Variants in ASAP2 observed in about 807,000 individuals in gnomAD.
ASAP2 encodes arf-GAP with SH3 domain, ANK repeat and PH domain-containing protein 2.
Under a neutral mutation model 131.4 loss-of-function variants are expected in ASAP2, and 45 were observed. The observed-to-expected ratio is 0.34, with a 90% CI of 0.27 to 0.44. The LOEUF is 0.44. Ranked by LOEUF, ASAP2 falls within the 20% of genes least tolerant of loss-of-function variation. The pLI is 1.00. For synonymous variants in ASAP2, 510 were observed against 503.0 expected (o/e 1.01, Z -0.19); for missense variants, 1,011 against 1,297.0 (o/e 0.78, Z 3.39).
intron 24 of ASAP2, among the ~76,000 whole-genome samples, chr2:9,394,728 C>T (rs1401290451): frequency 1.3e-5 from 2 of 152,242 alleles, no homozygotes; most frequent in Non-Finnish European, 2.9e-5. Flanking sequence ...TAACAAACCA[C>T]ACCAGACTGA....
intron 1 of ASAP2, among the ~76,000 whole-genome samples, chr2:9,218,071 C>T (rs908343624): frequency 4.6e-5 from 7 of 152,166 alleles, no homozygotes; most frequent in African/African-American, 1.7e-4. Flanking sequence ...CCTCCAGGTT[C>T]CACATCCCAC....
chr2:9,378,202 C>T (rs1278428500), intron 18 of ASAP2, among the ~76,000 whole-genome samples: 2 of 152,204 alleles, frequency 1.3e-5, no homozygotes, highest in African/African-American at 4.8e-5. Flanking sequence ...GATCGCCTTT[C>T]TGTCTCCACT....
intron 6 of ASAP2, among the ~76,000 whole-genome samples, chr2:9,324,886 C>T (rs554082278): frequency 1.3e-5 from 2 of 152,260 alleles, no homozygotes; most frequent in East Asian, 1.9e-4. Flanking sequence ...CTCTGCCTTT[C>T]GATTGGATTG....
intron 3 of ASAP2, among the ~76,000 whole-genome samples, chr2:9,312,680 A>C (rs1033574195): frequency 2.0e-5 from 3 of 152,108 alleles, no homozygotes; most frequent in Non-Finnish European, 4.4e-5. Flanking sequence ...TCCACTTGGT[A>C]GTTTACTTAC....
intron 21 of ASAP2, among the ~76,000 whole-genome samples, chr2:9,386,456 A>G (rs1675269357): frequency 6.6e-6 from 1 of 152,104 alleles, no homozygotes; most frequent in Middle Eastern, 3.2e-3. Context: ...CCACATTCCC[A>G]TTTGATGAGC....
chr2:9,368,638 A>AT, intron 16 of ASAP2, 119 bp downstream of exon 16: 1 of 793,920 alleles, frequency 1.3e-6, no homozygotes, highest in Non-Finnish European at 2.1e-6. Flanking sequence ...TAGGGAATAA[A>AT]TCAGCCTATG....
chr2:9,403,367 T>C lies in ASAP2; in HGVS notation c.*40T>C. On this transcript the variant is annotated 3_prime_UTR_variant, in exon 28 of 28. Coordinates refer to ENST00000281419, the MANE Select transcript of ASAP2 (RefSeq NM_003887.3). ...AAAGCATTAACAGTTATGTTCCTGT[T>C]TCGTTATTGGTACCAAAACTCTTGC... is the stretch of plus-strand genomic sequence containing the variant. The C allele has an allele frequency of 6.3e-7, 1 of 1,593,276 alleles. No homozygotes were observed. Among genetic ancestry groups the C allele is most frequent in the Admixed American group, 1.7e-5 (1 of 59,668 alleles).
chr2:9,357,228 C>G (rs1229592574), intron 14 of ASAP2, among the ~76,000 whole-genome samples: 1 of 151,592 alleles, frequency 6.6e-6, no homozygotes, highest in African/African-American at 2.4e-5. Context: ...CCTGTAATCC[C>G]GGCACTTTGG....
chr2:9,388,018 CG>C (rs1249981422), intron 21 of ASAP2, among the ~76,000 whole-genome samples: 1 of 152,196 alleles, frequency 6.6e-6, no homozygotes, highest in African/African-American at 2.4e-5. Context: ...CTCCTTCCCT[CG>C]ACAAGTGAAG....
rs184152101 is a variant in ASAP2, at chr2:9,330,943, A to C, written c.686+3032A>C. 2.9e-3 allele frequency among the ~76,000 whole-genome samples: 440 copies of C among 152,308 alleles called. 3 individuals carry two copies. Among genetic ancestry groups the C allele is most frequent in the African/African-American group, 0.01 (425 of 41,564 alleles). On this transcript the variant is annotated intron_variant, in intron 7 of 27. Transcript: ENST00000281419. ...GAGTGTGTACGCTGCCTGCTCTTCA[A>C]ATCAGTCAGGCAGCTTTGACTTTCT...
chr2:9,329,297 T>C (rs927056492), intron 7 of ASAP2, among the ~76,000 whole-genome samples: 5 of 152,268 alleles, frequency 3.3e-5, no homozygotes, highest in Non-Finnish European at 7.4e-5. Flanking sequence ...ATCCCAAATA[T>C]GTTGGGAAGC....
intron 1 of ASAP2, among the ~76,000 whole-genome samples, chr2:9,227,022 G>A (rs151068403): frequency 6.6e-6 from 1 of 152,264 alleles, no homozygotes; most frequent in East Asian, 1.9e-4. Context: ...CCAGGTGTTC[G>A]GGTCCTGCTC....
intron 1 of ASAP2, among the ~76,000 whole-genome samples, chr2:9,257,717 C>T (rs192846323): frequency 6.6e-6 from 1 of 152,132 alleles, no homozygotes; most frequent in African/African-American, 2.4e-5. Context: ...GATGGGGTTT[C>T]ACCACGTTGG....
chr2:9,344,387 T>C, intron 9 of ASAP2, 145 bp from the exon 10 acceptor site: 1 of 632,710 alleles, frequency 1.6e-6, no homozygotes, highest in Non-Finnish European at 2.8e-6. Flanking sequence ...ATGTCCCTTT[T>C]TTGCTGTGTT....
At chr2:9,371,825 A>G (rs1673990936) in intron 16 of ASAP2, among the ~76,000 whole-genome samples, 1 of 152,184 alleles carries the variant, frequency 6.6e-6, no homozygotes, top group Non-Finnish European at 1.5e-5. Flanking sequence ...TCATTAAAAA[A>G]AAGAGGGAGG....
At chr2:9,251,909 C>T (rs1272231678) in intron 1 of ASAP2, among the ~76,000 whole-genome samples, 4 of 151,954 alleles carry the variant, frequency 2.6e-5, no homozygotes, top group South Asian at 4.2e-4. Context: ...GAAGCCTGTG[C>T]CCACATTGCT....
intron 3 of ASAP2, among the ~76,000 whole-genome samples, chr2:9,298,529 C>T (rs1195838832): frequency 6.6e-6 from 1 of 152,252 alleles, no homozygotes; most frequent in Non-Finnish European, 1.5e-5. Context: ...TTTGGTCAAG[C>T]TCATCCCCCT....
chr2:9,245,379 C>T (rs1186344875), intron 1 of ASAP2, among the ~76,000 whole-genome samples: 1 of 152,166 alleles, frequency 6.6e-6, no homozygotes, highest in African/African-American at 2.4e-5. Flanking sequence ...CCTGCCTGGC[C>T]ACTTCTTCGG....
At chr2:9,377,270 C>T (rs1025849452) in intron 18 of ASAP2, among the ~76,000 whole-genome samples, 1 of 152,160 alleles carries the variant, frequency 6.6e-6, no homozygotes, top group African/African-American at 2.4e-5. Flanking sequence ...AACTTGGGGA[C>T]CCCATGACCA....
Sources: allele counts gnomAD v4.1 joint callset (sites outside exome capture counted in the v4.1 genomes callset), GRCh38; gene constraint gnomAD v4.1.1; transcripts MANE v1.5; gene names NCBI Gene and HGNC (gene_info 2026-07-23, HGNC 2026-07-21).